The following ZDHHC21 variants were observed in gnomAD, a reference collection of about 807,000 sequenced individuals.
ZDHHC21 encodes palmitoyltransferase ZDHHC21.
ZDHHC21 carries 15 observed loss-of-function variants against 34.6 expected under a neutral mutation model. That is an observed-to-expected ratio of 0.43 (90% CI 0.29 to 0.67). ZDHHC21 has a LOEUF of 0.67. ZDHHC21 is among the 30% of genes least tolerant of loss of function. ZDHHC21 has a pLI of 0.14. For missense variants in ZDHHC21, 344 were observed against 327.7 expected, an observed-to-expected ratio of 1.05 and a Z score of -0.38; for synonymous variants, 142 against 101.8, an observed-to-expected ratio of 1.40 and a Z score of -2.38.
chr9:14,681,761 G>A (rs932771756), intron 2 of ZDHHC21, among the ~76,000 whole-genome samples: 22 of 151,692 alleles, frequency 1.5e-4, no homozygotes, highest in Non-Finnish European at 1.6e-4. Context: ...GTGTGTGTAA[G>A]TGGGTGGGGT....
intron 7 of ZDHHC21, among the ~76,000 whole-genome samples, chr9:14,645,762 T>C (rs1830183990): frequency 1.3e-5 from 2 of 152,068 alleles, no homozygotes; most frequent in Admixed American, 6.6e-5. Context: ...AATACTTAAA[T>C]AGGCACACTT....
At chr9:14,656,738 C>T (rs568303251) in intron 7 of ZDHHC21, among the ~76,000 whole-genome samples, 1 of 152,020 alleles carries the variant, frequency 6.6e-6, no homozygotes, top group Non-Finnish European at 1.5e-5. Context: ...CCTAAAGTAG[C>T]TTTCTAACAA....
intron 5 of ZDHHC21, among the ~76,000 whole-genome samples, chr9:14,667,802 C>G (rs1210218505): frequency 1.3e-4 from 5 of 39,838 alleles, no homozygotes; most frequent in Admixed American, 2.8e-4. Flanking sequence ...ATTCAACAAC[C>G]CTTCATGCTA....
rs1350943213 is a variant in ZDHHC21, at chr9:14,616,472, T to C, written c.*2494A>G. 1 of 151,816 alleles carries C rather than the reference T, an allele frequency of 6.6e-6. No individual in the cohort carries two copies. The allele number at this position is 151,816 out of a possible 1,614,324, so 9.4% of individuals were successfully genotyped here. On this transcript the variant is annotated 3_prime_UTR_variant, in exon 10 of 10. Coordinates refer to ENST00000380916, the MANE Select transcript of ZDHHC21 (RefSeq NM_178566.6). ...TACATTTTTGTACATACACTCCTCC[T>C]AAGTTTGTACTTTTGATATGTTCAG...
At chr9:14,641,874 CACAG>C (rs1180189767) in intron 7 of ZDHHC21, among the ~76,000 whole-genome samples, 1 of 152,112 alleles carries the variant, frequency 6.6e-6, no homozygotes, top group African/African-American at 2.4e-5. Context: ...TTTTAAGTGT[CACAG>C]ACAAAGTTTC....
intron 8 of ZDHHC21, among the ~76,000 whole-genome samples, chr9:14,627,876 C>T (rs191991354): frequency 1.6e-3 from 247 of 152,152 alleles, no homozygotes; most frequent in Non-Finnish European, 3.0e-3. Flanking sequence ...ATAATTCAGA[C>T]AACATCAATT....
At chr9:14,636,360 TAAC>T (rs1371483695) in intron 8 of ZDHHC21, among the ~76,000 whole-genome samples, 1 of 152,142 alleles carries the variant, frequency 6.6e-6, no homozygotes, top group Admixed American at 6.5e-5. Flanking sequence ...TAAGAAGATA[TAAC>T]AACTCTAAAT....
At chr9:14,689,151 G>A (rs559081526) in intron 2 of ZDHHC21, among the ~76,000 whole-genome samples, 59 of 152,120 alleles carry the variant, frequency 3.9e-4, no homozygotes, top group Non-Finnish European at 6.2e-4. Flanking sequence ...ACAGCCCTTC[G>A]GCTAGTATCA....
intron 7 of ZDHHC21, among the ~76,000 whole-genome samples, chr9:14,647,282 T>C (rs1243163366): frequency 6.6e-6 from 1 of 152,118 alleles, no homozygotes; most frequent in South Asian, 2.1e-4. Context: ...GGGCACCACC[T>C]CTTAATGCAA....
chr9:14,621,593 G>A (rs1825315249), intron 8 of ZDHHC21, among the ~76,000 whole-genome samples: 1 of 152,000 alleles, frequency 6.6e-6, no homozygotes, highest in African/African-American at 2.4e-5. Context: ...GCCCAAATAG[G>A]CTATTTTTTT....
intron 8 of ZDHHC21, among the ~76,000 whole-genome samples, chr9:14,621,747 A>G (rs1424290400): frequency 6.6e-6 from 1 of 152,116 alleles, no homozygotes; most frequent in Non-Finnish European, 1.5e-5. Context: ...AGCAATACAA[A>G]TTAGGTTATC....
At chr9:14,647,985 A>G (rs1830562154) in intron 7 of ZDHHC21, among the ~76,000 whole-genome samples, 1 of 152,142 alleles carries the variant, frequency 6.6e-6, no homozygotes, top group African/African-American at 2.4e-5. Flanking sequence ...CTGGAAGTTA[A>G]GCAGGCAGAG....
In ZDHHC21 at chr9:14,612,155, TTTCTACATATCG is replaced by T. The variant is rs1823407317; in HGVS notation, c.*6799_*6810del. 6.6e-6 allele frequency: 1 copy of T among 152,080 alleles called. No homozygotes were observed. 9.4% of individuals were successfully genotyped at this position (152,080 alleles called of 1,614,324 possible). A position where few individuals can be genotyped will look rare whatever the true frequency, so the allele number is the denominator to read the frequency against. On this transcript the variant is annotated 3_prime_UTR_variant, in exon 10 of 10. Coordinates refer to ENST00000380916, the MANE Select transcript of ZDHHC21 (RefSeq NM_178566.6). ...ACCTCTAATGATATGTTCATCTAGATTTCTACATATCGTTCAAATGATCTGAAGCCACATTTC... is the reference window on the plus strand; with the variant it reads ...ACCTCTAATGATATGTTCATCTAGATTTCAAATGATCTGAAGCCACATTTC...
chr9:14,595,619 A>G, the ZDHHC21 span, among the ~76,000 whole-genome samples: 1 of 152,232 alleles, frequency 6.6e-6, no homozygotes, highest in Admixed American at 6.5e-5. Flanking sequence ...TAAGGCATGT[A>G]AGTAACAAAC....
intron 7 of ZDHHC21, among the ~76,000 whole-genome samples, chr9:14,657,753 G>A (rs1472963085): frequency 1.3e-5 from 2 of 152,104 alleles, no homozygotes; most frequent in East Asian, 3.8e-4. Context: ...CTCTTAGCCT[G>A]TCTTTGTTTT....
chr9:14,596,254 G>C, the ZDHHC21 span, among the ~76,000 whole-genome samples: 7 of 152,348 alleles, frequency 4.6e-5, no homozygotes, highest in East Asian at 1.9e-4. Context: ...AGCAGAATGA[G>C]TATGACCCCC....
chr9:14,669,772 C>T (rs1185278508), intron 5 of ZDHHC21, among the ~76,000 whole-genome samples: 1 of 148,058 alleles, frequency 6.8e-6, no homozygotes, highest in East Asian at 2.0e-4. Context: ...CCAAACACTC[C>T]ATATTCTCAC....
chr9:14,622,503 G>A (rs1042304728), intron 8 of ZDHHC21: 8 of 984,800 alleles, frequency 8.1e-6, no homozygotes, highest in Middle Eastern at 1.0e-3. Flanking sequence ...GGGATAAAGA[G>A]CAAGAATTTA....
At chr9:14,630,802 A>C (rs1362612311) in intron 8 of ZDHHC21, among the ~76,000 whole-genome samples, 2 of 152,236 alleles carry the variant, frequency 1.3e-5, no homozygotes, top group Admixed American at 1.3e-4. Flanking sequence ...GTCAATGAGC[A>C]GTAATATTAC....
Sources: allele counts gnomAD v4.1 joint callset (sites outside exome capture counted in the v4.1 genomes callset), GRCh38; gene constraint gnomAD v4.1.1; transcripts MANE v1.5; gene names NCBI Gene and HGNC (gene_info 2026-07-23, HGNC 2026-07-21).